The following TRPA1 variants were observed in gnomAD, a reference collection of about 807,000 sequenced individuals.
TRPA1 encodes the protein transient receptor potential cation channel subfamily A member 1.
In TRPA1, 129 loss-of-function variants were observed where a neutral mutation model predicts 131.3. The observed-to-expected ratio is 0.98, with a 90% confidence interval of 0.85 to 1.14. The LOEUF (loss-of-function observed/expected upper bound fraction) is 1.14, where lower values mean the gene tolerates loss of function less well. TRPA1 is among the 50% of genes most tolerant of loss of function. The probability of loss-of-function intolerance (pLI) is 0.00; values close to 1 mark genes in which losing one functional copy is unlikely to be tolerated. For synonymous variants in TRPA1, 441 were observed against 451.7 expected, an observed-to-expected ratio of 0.98 and a Z score of 0.30; for missense variants, 1,304 against 1,354.2, an observed-to-expected ratio of 0.96 and a Z score of 0.58.
chr8:72,062,327 C>A, intron 6 of TRPA1: 1 of 179,164 alleles, frequency 5.6e-6, no homozygotes, highest in Non-Finnish European at 1.2e-5. Context: ...GAAAAAGGGC[C>A]AGAACTCTCC....
intron 24 of TRPA1, among the ~76,000 whole-genome samples, chr8:72,027,545 G>A: frequency 6.6e-6 from 1 of 152,120 alleles, no homozygotes; most frequent in East Asian, 1.9e-4. Context: ...ACAGCTTCAA[G>A]CCCCTCAAAA....
chr8:72,051,595 T>C (rs1370674525), intron 14 of TRPA1, among the ~76,000 whole-genome samples: 1 of 152,228 alleles, frequency 6.6e-6, no homozygotes, highest in African/African-American at 2.4e-5. Flanking sequence ...TTTAAAGGGA[T>C]GATCAGTCGG....
At chr8:72,085,208 C>T in the TRPA1 span, among the ~76,000 whole-genome samples, 5,843 of 152,096 alleles carry the variant, frequency 0.038, 376 homozygotes, top group African/African-American at 0.13. Flanking sequence ...GAGATTCTAT[C>T]GTCCAATATA....
At chr8:72,089,752 G>A in the TRPA1 span, among the ~76,000 whole-genome samples, 1 of 151,878 alleles carries the variant, frequency 6.6e-6, no homozygotes, top group East Asian at 1.9e-4. Context: ...ATGTCAGATT[G>A]AAACAAAATA....
chr8:72,082,338 A>G, the TRPA1 span, among the ~76,000 whole-genome samples: 23 of 152,164 alleles, frequency 1.5e-4, no homozygotes, highest in African/African-American at 5.3e-4. Flanking sequence ...ATAGTGTGTT[A>G]TAATTCTTCT....
At chr8:72,040,183 C>A (rs1488671713) in intron 17 of TRPA1, among the ~76,000 whole-genome samples, 1 of 152,216 alleles carries the variant, frequency 6.6e-6, no homozygotes, top group Admixed American at 6.5e-5. Context: ...AATATACATA[C>A]ATAGTTGTTC....
chr8:72,026,541 T>C (rs1350384123), intron 24 of TRPA1, among the ~76,000 whole-genome samples: 1 of 152,124 alleles, frequency 6.6e-6, no homozygotes, highest in East Asian at 1.9e-4. Context: ...AAGGAGTGCT[T>C]AACTGGAGGA....
At chr8:72,084,872 G>A in the TRPA1 span, among the ~76,000 whole-genome samples, 1 of 151,736 alleles carries the variant, frequency 6.6e-6, no homozygotes, top group African/African-American at 2.4e-5. Flanking sequence ...GGCTGGTCTC[G>A]AACTCCCAAC....
At chr8:72,072,798 C>T (rs931423216) in intron 1 of TRPA1, among the ~76,000 whole-genome samples, 6 of 152,204 alleles carry the variant, frequency 3.9e-5, no homozygotes, top group East Asian at 1.9e-4. Flanking sequence ...GTCTGTTCAG[C>T]GATGTGCTGT....
intron 24 of TRPA1, among the ~76,000 whole-genome samples, chr8:72,027,570 G>A (rs1811653032): frequency 6.6e-6 from 1 of 152,100 alleles, no homozygotes; most frequent in Admixed American, 6.5e-5. Flanking sequence ...CATAACACCT[G>A]CCCCTGAAGA....
chr8:72,025,097 T>G (rs1326499274), intron 25 of TRPA1, among the ~76,000 whole-genome samples: 2 of 113,436 alleles, frequency 1.8e-5, no homozygotes, highest in African/African-American at 7.7e-5. Context: ...ATGCTGTGTG[T>G]GTGTGTTCGT....
intron 8 of TRPA1, among the ~76,000 whole-genome samples, chr8:72,058,832 T>C (rs887103301): frequency 6.6e-6 from 1 of 152,238 alleles, no homozygotes; most frequent in Non-Finnish European, 1.5e-5. Flanking sequence ...AAATTCACCA[T>C]ACATTCATCC....
the TRPA1 span, among the ~76,000 whole-genome samples, chr8:72,087,648 A>ATATT: frequency 2.7e-5 from 4 of 150,108 alleles, no homozygotes; most frequent in Non-Finnish European, 5.9e-5. Context: ...ATATATATAT[A>ATATT]TTTTAATTGC....
intron 21 of TRPA1, among the ~76,000 whole-genome samples, chr8:72,035,098 C>T (rs564450363): frequency 1.3e-5 from 2 of 152,186 alleles, no homozygotes; most frequent in Admixed American, 6.5e-5. Flanking sequence ...CTACCCCCTG[C>T]ATCCTATATT....
At chr8:72,060,038 C>T (rs1805771445) in intron 7 of TRPA1, among the ~76,000 whole-genome samples, 1 of 152,028 alleles carries the variant, frequency 6.6e-6, no homozygotes, top group Non-Finnish European at 1.5e-5. Flanking sequence ...AATCTCATTT[C>T]TTTGTTTCAA....
intron 25 of TRPA1, 72 bp downstream of exon 25, chr8:72,025,888 T>C: frequency 3.0e-6 from 4 of 1,319,472 alleles, no homozygotes; most frequent in Admixed American, 3.5e-5. Flanking sequence ...AGGGCCCCCT[T>C]AGGGTTAACA....
At chr8:72,085,791 T>G in the TRPA1 span, among the ~76,000 whole-genome samples, 41 of 152,190 alleles carry the variant, frequency 2.7e-4, no homozygotes, top group Non-Finnish European at 5.4e-4. Flanking sequence ...TTCATATGAC[T>G]TAAAAATTTT....
At chr8:72,063,338 C>T (rs1805851684) in intron 5 of TRPA1, 125 bp downstream of exon 5, 3 of 689,376 alleles carry the variant, frequency 4.4e-6, no homozygotes, top group Admixed American at 2.4e-5. Context: ...TGAGATCACA[C>T]CACTGCACTC....
intron 13 of TRPA1, 189 bp from the exon 14 acceptor site, chr8:72,052,954 G>T: frequency 2.2e-6 from 1 of 463,788 alleles, no homozygotes; most frequent in Non-Finnish European, 3.9e-6. Flanking sequence ...GTGCATGTGT[G>T]GGAAGTGGAT....
Sources: allele counts gnomAD v4.1 joint callset (sites outside exome capture counted in the v4.1 genomes callset), GRCh38; gene constraint gnomAD v4.1.1; transcripts MANE v1.5; gene names NCBI Gene and HGNC (gene_info 2026-07-23, HGNC 2026-07-21).